The following ATP2C1 variants were observed in gnomAD, a reference collection of about 807,000 sequenced individuals.
ATP2C1 encodes ATPase secretory pathway Ca2+ transporting 1, also known as calcium-transporting ATPase type 2C member 1.
A neutral mutation model predicts 120.5 loss-of-function variants in ATP2C1; 31 were observed. The observed-to-expected ratio is 0.26, with a 90% CI of 0.19 to 0.35. The LOEUF (loss-of-function observed/expected upper bound fraction) is 0.35, where lower values mean the gene tolerates loss of function less well. ATP2C1 is among the 10% of genes least tolerant of loss of function. The probability of loss-of-function intolerance (pLI) is 1.00; values close to 1 mark genes in which losing one functional copy is unlikely to be tolerated. For missense variants in ATP2C1, 731 were observed against 1,107.5 expected (o/e 0.66, Z 4.83); for synonymous variants, 351 against 358.7 (o/e 0.98, Z 0.24).
chr3:130,914,198 A>G (rs890314322), intron 2 of ATP2C1: 3 of 152,176 alleles, frequency 2.0e-5, no homozygotes, highest in Non-Finnish European at 4.4e-5. Context: ...AAAACAGTGT[A>G]TTTCTTGCAG....
At chr3:130,852,710 G>C (rs2067712783) in intron 1 of ATP2C1, among the ~76,000 whole-genome samples, 1 of 152,196 alleles carries the variant, frequency 6.6e-6, no homozygotes, top group Admixed American at 6.5e-5. Context: ...AACCTTGAAA[G>C]CTTGTTGGGA....
chr3:131,012,131 A>G (rs1274209826), intron 26 of ATP2C1, among the ~76,000 whole-genome samples: 1 of 152,234 alleles, frequency 6.6e-6, no homozygotes, highest in Non-Finnish European at 1.5e-5. Flanking sequence ...GGTTTTAAGA[A>G]GCAGTGTTGA....
chr3:130,904,171 C>A (rs971636581), intron 2 of ATP2C1, among the ~76,000 whole-genome samples: 1 of 151,940 alleles, frequency 6.6e-6, no homozygotes, highest in Non-Finnish European at 1.5e-5. Flanking sequence ...TCCTGGATAT[C>A]TTTTGCCCAG....
Position 130,969,301 on chromosome 3 carries a change from G to C in ATP2C1, c.1318G>C (p.Asp440His). Residue 440 changes from aspartate to histidine, a missense_variant, in exon 17 of 28, where the codon GAT becomes CAT. This residue lies in a region of ATP2C1 where 571 missense variants were observed against 845.9 expected (regional missense o/e 0.67). Transcript: ENST00000510168. The part of the protein sequence containing the change: ...LIALAMKMGL[D>H]GLQQDYIRKA... ...TCTTTGTGCCATATAGATGGGTCTTGATGGACTTCAACAAGACTACATCAG... is the reference window on the plus strand; with the variant it reads ...TCTTTGTGCCATATAGATGGGTCTTCATGGACTTCAACAAGACTACATCAG... 6.2e-7 allele frequency: 1 copy of C among 1,612,990 alleles called. No individual in the cohort carries two copies. Among genetic ancestry groups the C allele is most frequent in the Non-Finnish European group, 8.5e-7 (1 of 1,179,016 alleles).
At chr3:130,890,318 T>C (rs1298906739), upstream of ATP2C1, among the ~76,000 whole-genome samples, 1 of 152,220 alleles carries the variant, frequency 6.6e-6, no homozygotes, top group East Asian at 1.9e-4. Flanking sequence ...CACACTCACT[T>C]TGCTCTTACC....
rs1167709908 is a variant in ATP2C1, at chr3:130,979,145, AT to A, written c.1571-101del. 9.2e-6 allele frequency: 10 copies of A among 1,083,280 alleles called. No homozygotes were observed. In the African/African-American group the frequency reaches 1.6e-4, roughly 17 times the overall value. 67.1% of individuals were successfully genotyped at this position (1,083,280 alleles called of 1,614,324 possible). A position where few individuals can be genotyped will look rare whatever the true frequency, so the allele number is the denominator to read the frequency against. ...ACAAATGACATTATAGTCTTAAGTG[AT>A]TTATTTAAGAAGTGTTACTGTCTCC... On this transcript the variant is annotated intron_variant, in intron 18 of 27. Coordinates refer to ENST00000510168, the MANE Select transcript of ATP2C1 (RefSeq NM_001378687.1).
intron 2 of ATP2C1, among the ~76,000 whole-genome samples, chr3:130,905,758 G>A (rs2058091825): frequency 6.6e-6 from 1 of 152,086 alleles, no homozygotes; most frequent in South Asian, 2.1e-4. Context: ...TAAAAGGACT[G>A]GATTTGCTTA....
At chr3:130,868,342 G>C (rs993457662) in intron 1 of ATP2C1, 1 of 134,450 alleles carries the variant, frequency 7.4e-6, no homozygotes, top group Non-Finnish European at 1.6e-5. Context: ...GAGCCCCTCT[G>C]CCCGGCCAGT....
In ATP2C1 at chr3:131,003,023, A is replaced by G; in HGVS notation, c.*1673A>G. 1 of 985,802 alleles carries G rather than the reference A, an allele frequency of 1.0e-6. No homozygotes were observed. Among genetic ancestry groups the G allele is most frequent in the Non-Finnish European group, 1.2e-6 (1 of 829,876 alleles). 61.1% of individuals were successfully genotyped at this position (985,802 alleles called of 1,614,324 possible). ...TTATTCTCTGTTACAAAGACTTGAA[A>G]TACGTATTAAATGCACGTTAATGTT... On this transcript the variant is annotated 3_prime_UTR_variant, in exon 28 of 28. Coordinates refer to ENST00000510168, the MANE Select transcript of ATP2C1 (RefSeq NM_001378687.1).
chr3:130,936,672 C>G (rs1005996277), intron 5 of ATP2C1, among the ~76,000 whole-genome samples: 18 of 151,764 alleles, frequency 1.2e-4, no homozygotes, highest in Non-Finnish European at 1.2e-4. Context: ...AAAAAATTAG[C>G]TGGGCGTGGT....
chr3:130,969,512 G>A (rs2061198476), intron 17 of ATP2C1, 116 bp downstream of exon 17: 2 of 774,404 alleles, frequency 2.6e-6, no homozygotes, highest in South Asian at 1.5e-5. Context: ...TTGCTTTAAA[G>A]TACATGTAAT....
chr3:130,856,869 T>A lies in ATP2C1; in HGVS notation c.108+5941T>A, dbSNP rs145091065. Reference sequence around the variant, plus strand: ...AATGTTATCTCATTTATACCTAGTGTTCCATTATTGGAACAATAAGCATGT... The same window carrying A: ...AATGTTATCTCATTTATACCTAGTGATCCATTATTGGAACAATAAGCATGT... On this transcript the variant is annotated intron_variant, in intron 1 of 26. Coordinates refer to the ATP2C1 transcript ENST00000504381. Among the ~76,000 whole-genome samples, 111 of 152,350 alleles carry A rather than the reference T, an allele frequency of 7.3e-4. 1 individual carries two copies. The highest frequency in any genetic ancestry group is 2.0e-3 in the African/African-American group (83 of 41,566).
At chr3:130,941,467 A>G (rs371500073) in intron 7 of ATP2C1, 124 bp from the exon 8 acceptor site, 28 of 739,056 alleles carry the variant, frequency 3.8e-5, no homozygotes, top group East Asian at 2.1e-4. Context: ...GTGTTTAGAA[A>G]CAGTCTTTTT....
intron 2 of ATP2C1, among the ~76,000 whole-genome samples, chr3:130,924,557 C>CT (rs2059118234): frequency 6.6e-6 from 1 of 152,098 alleles, no homozygotes; most frequent in South Asian, 2.1e-4. Context: ...CCTGGGCCAT[C>CT]TTTTTATGAT....
rs559485478 is a variant in ATP2C1 at position 130,998,523 on chromosome 3, C to A, written c.2487+134C>A. 1.1e-3 allele frequency: 814 copies of A among 712,572 alleles called. 4 individuals are homozygous for A. Among genetic ancestry groups the A allele is most frequent in the Non-Finnish European group, 1.1e-3 (451 of 398,174 alleles). 44.1% of individuals were successfully genotyped at this position (712,572 alleles called of 1,614,324 possible). A position where few individuals can be genotyped will look rare whatever the true frequency, so the allele number is the denominator to read the frequency against. On this transcript the variant is annotated intron_variant, in intron 26 of 27. Coordinates refer to ENST00000510168, the MANE Select transcript of ATP2C1 (RefSeq NM_001378687.1). ...CCACAGATTGCAGCCCCAGACACAG[C>A]CTTCTTATAAACATGTGCCATTGGT...
chr3:130,901,084 A>C (rs1003245144), intron 2 of ATP2C1, among the ~76,000 whole-genome samples: 1 of 152,188 alleles, frequency 6.6e-6, no homozygotes, highest in Non-Finnish European at 1.5e-5. Context: ...TGAAGCAGGC[A>C]AAAGCAGTTC....
intron 1 of ATP2C1, among the ~76,000 whole-genome samples, chr3:130,869,523 T>G (rs548857988): frequency 6.7e-6 from 1 of 149,270 alleles, no homozygotes; most frequent in East Asian, 2.0e-4. Flanking sequence ...CTAGGCCTCA[T>G]GCATCAGTTA....
intron 1 of ATP2C1, among the ~76,000 whole-genome samples, chr3:130,864,737 C>T (rs149167762): frequency 1.0e-3 from 156 of 152,294 alleles, no homozygotes; most frequent in Non-Finnish European, 1.9e-3. Flanking sequence ...GCAGCTTCCA[C>T]GTGTTGTTGA....
At chr3:130,904,646 A>G (rs2108032582) in intron 2 of ATP2C1, among the ~76,000 whole-genome samples, 1 of 152,110 alleles carries the variant, frequency 6.6e-6, no homozygotes, top group Non-Finnish European at 1.5e-5. Context: ...CTGCAAATAT[A>G]CTGTGTCCCA....
Sources: gnomAD v4.1 joint callset for allele counts (sites outside exome capture counted in the v4.1 genomes callset) on GRCh38, gnomAD v4.1.1 for gene constraint, gnomAD v4.1.1 regional missense constraint, MANE v1.5 for transcripts, NCBI Gene and HGNC (gene_info 2026-07-23, HGNC 2026-07-21) for gene names.